ARHGEF11: variants seen among roughly 807,000 people sequenced by gnomAD.
The protein encoded by ARHGEF11 is Rho guanine nucleotide exchange factor 11.
ARHGEF11 carries 55 observed loss-of-function variants against 193.7 expected under a neutral mutation model. The observed-to-expected ratio is 0.28, with a 90% CI of 0.23 to 0.36. ARHGEF11 has a LOEUF of 0.36. Ranked by LOEUF, ARHGEF11 falls within the 10% of genes least tolerant of loss-of-function variation. The pLI is 1.00. For missense variants in ARHGEF11, 1,723 were observed against 2,005.6 expected (o/e 0.86, Z 2.69); for synonymous variants, 693 against 768.0 (o/e 0.90, Z 1.62).
Position 156,941,387 on chromosome 1 carries a change from C to G in ARHGEF11, c.3499G>C (p.Glu1167Gln). Residue 1167 changes from glutamate (E) to glutamine (Q), a missense_variant, in exon 35 of 41, where the codon GAG becomes CAG. Around this residue, in one of 5 missense-constraint regions of ARHGEF11, gnomAD observed 203 missense variants for 237.3 expected, o/e 0.86. Transcript: ENST00000368194. ...GGGCCCTTACCTCCAGGCAGCTCCT[C>G]AGGTTCAGGTTCACCATGGAACACG... is the stretch of plus-strand genomic sequence containing the variant. ...SDVFHGEPEPEELPGGTGSQQ... is the reference protein window; with the variant it reads ...SDVFHGEPEPQELPGGTGSQQ... 1 of 1,613,684 alleles carries G rather than the reference C, an allele frequency of 6.2e-7. No individual in the cohort carries two copies. Among genetic ancestry groups the G allele is most frequent in the Non-Finnish European group, 8.5e-7 (1 of 1,179,728 alleles).
intron 1 of ARHGEF11, among the ~76,000 whole-genome samples, chr1:157,038,447 C>T (rs866604): frequency 0.99 from 150,565 of 152,374 alleles, 74,418 homozygotes; most frequent in Middle Eastern, 1. Flanking sequence ...TTAAGGCCTA[C>T]GCTGAAATCA....
intron 35 of ARHGEF11, among the ~76,000 whole-genome samples, 184 bp downstream of exon 35, chr1:156,941,188 C>A (rs1326991075): frequency 1.3e-5 from 2 of 152,144 alleles, no homozygotes; most frequent in Non-Finnish European, 2.9e-5. Flanking sequence ...TTTCTTAAGT[C>A]TGTTCAGTCT....
intron 37 of ARHGEF11, chr1:156,939,074 C>G (rs115662111): frequency 1.2e-4 from 26 of 211,750 alleles, no homozygotes; most frequent in African/African-American, 6.1e-4. Flanking sequence ...CAGCTTTGTC[C>G]TCCACCCCTT....
intron 15 of ARHGEF11, among the ~76,000 whole-genome samples, chr1:156,959,968 T>A (rs2102142934): frequency 9.4e-6 from 1 of 106,910 alleles, no homozygotes; most frequent in South Asian, 3.3e-4. Context: ...GAAAAACCAC[T>A]CTGGAGATTC....
chr1:156,983,300 G>T (rs901711300), intron 3 of ARHGEF11, among the ~76,000 whole-genome samples: 5 of 152,026 alleles, frequency 3.3e-5, no homozygotes, highest in African/African-American at 1.2e-4. Context: ...TTGGCTCACC[G>T]CAAGCTCCGG....
chr1:156,938,495 T>C lies in ARHGEF11; in HGVS notation c.4115A>G (p.Lys1372Arg). The change falls in exon 38 of 41, where the codon AAG (lysine) becomes AGG (arginine). Residue 1372 changes from lysine (K) to arginine (R), a missense_variant. Physicochemically the swap from Lys to Arg is conservative, Grantham distance 26. Transcript: ENST00000368194. ...ACTCTCTGGTAGTGCAGGGACAACCTTGCTGCCTGCCACCTCAGCTGCACC... is the reference window on the plus strand; with the variant it reads ...ACTCTCTGGTAGTGCAGGGACAACCCTGCTGCCTGCCACCTCAGCTGCACC... ...VVRKAEVAGS[K>R]VVPALPESGQ... 1.2e-6 allele frequency: 2 copies of C among 1,613,100 alleles called. No homozygotes were observed. Among genetic ancestry groups the C allele is most frequent in the Non-Finnish European group, 1.7e-6 (2 of 1,179,558 alleles).
Position 157,044,883 on chromosome 1 carries a change from C to A in ARHGEF11, c.-553G>T. The A allele has an allele frequency of 1.1e-5, 2 of 180,514 alleles. No individual in the cohort carries two copies. Among genetic ancestry groups the A allele is most frequent in the Non-Finnish European group, 2.3e-5 (2 of 87,516 alleles). The allele number at this position is 180,514 out of a possible 1,614,324, so 11.2% of individuals were successfully genotyped here. ...GGAAAAAAAAAAGGATTAATAAATC[C>A]GAAATGGCACTTGGAAAAATTCTTT... On this transcript the variant is annotated 5_prime_UTR_variant, in exon 1 of 41. Coordinates refer to ENST00000368194, the MANE Select transcript of ARHGEF11 (RefSeq NM_198236.3).
intron 19 of ARHGEF11, 141 bp downstream of exon 19, chr1:156,956,279 A>G: frequency 1.2e-6 from 1 of 836,020 alleles, no homozygotes; most frequent in South Asian, 1.7e-5. Flanking sequence ...ACTATGCTGG[A>G]CTAATTTTTG....
intron 1 of ARHGEF11, among the ~76,000 whole-genome samples, chr1:157,015,461 C>G (rs972003331): frequency 6.6e-6 from 1 of 152,186 alleles, no homozygotes; most frequent in African/African-American, 2.4e-5. Flanking sequence ...CAAGCAACCC[C>G]ACTCTCCTCC....
intron 35 of ARHGEF11, among the ~76,000 whole-genome samples, 200 bp from the exon 36 acceptor site, chr1:156,940,625 G>A (rs1656632329): frequency 6.6e-6 from 1 of 152,282 alleles, no homozygotes; most frequent in East Asian, 1.9e-4. Flanking sequence ...TGCCTATGTT[G>A]AGCTTACATT....
chr1:156,941,792 G>C, intron 34 of ARHGEF11, 72 bp downstream of exon 34: 1 of 1,530,150 alleles, frequency 6.5e-7, no homozygotes, highest in African/African-American at 1.4e-5. Context: ...GGGGGCGAAG[G>C]GCTTAAAAGC....
intron 1 of ARHGEF11, among the ~76,000 whole-genome samples, chr1:157,041,502 C>T (rs540845589): frequency 6.6e-6 from 1 of 152,332 alleles, no homozygotes; most frequent in East Asian, 1.9e-4. Context: ...CTCTCAGCTA[C>T]AATCTCTTTC....
At chr1:157,039,485 C>T (rs779218226) in intron 1 of ARHGEF11, among the ~76,000 whole-genome samples, 1 of 152,192 alleles carries the variant, frequency 6.6e-6, no homozygotes, top group Non-Finnish European at 1.5e-5. Context: ...AAAGATCTAA[C>T]ATGACTTTTT....
intron 21 of ARHGEF11, among the ~76,000 whole-genome samples, chr1:156,954,576 G>A (rs1010022868): frequency 6.6e-6 from 1 of 152,204 alleles, no homozygotes; most frequent in Non-Finnish European, 1.5e-5. Context: ...GGAACCAGAA[G>A]TCTAGTCTTG....
chr1:156,961,542 A>T (rs553569687), intron 14 of ARHGEF11, 135 bp downstream of exon 14: 13 of 720,702 alleles, frequency 1.8e-5, no homozygotes, highest in Non-Finnish European at 3.1e-5. Context: ...AGAATCCAGG[A>T]ATATTAATCT....
At position 156,960,442 on chromosome 1, in the gene ARHGEF11, G is replaced by A. The variant is rs771664561; in HGVS notation, c.1258C>T (p.Pro420Ser). ...CCAATTTCAGCCTGTAGCATCTCAGGGATCTTCACTCTCAGAGGCTAAAAA... is the reference window on the plus strand; with the variant it reads ...CCAATTTCAGCCTGTAGCATCTCAGAGATCTTCACTCTCAGAGGCTAAAAA... ...EKNAPLRVKIPEMLQAEIDSR... is the reference protein window; with the variant it reads ...EKNAPLRVKISEMLQAEIDSR... Residue 420 changes from proline (P) to serine (S), a missense_variant, in exon 15 of 41, where the codon CCT becomes TCT. Pro to Ser is a moderately conservative substitution (Grantham distance 74, BLOSUM62 -1). Coordinates refer to ENST00000368194, the MANE Select transcript of ARHGEF11 (RefSeq NM_198236.3). 3.1e-6 allele frequency: 5 copies of A among 1,614,076 alleles called. No individual in the cohort carries two copies. The Admixed American group carries it at 8.3e-5, about 27-fold the overall frequency.
At chr1:156,942,981 T>TC (rs1407692045) in intron 32 of ARHGEF11, among the ~76,000 whole-genome samples, 2 of 152,018 alleles carry the variant, frequency 1.3e-5, no homozygotes, top group Non-Finnish European at 2.9e-5. Context: ...ACCCCTAATG[T>TC]CATCTTCCAC....
intron 1 of ARHGEF11, among the ~76,000 whole-genome samples, chr1:157,016,746 T>G (rs1444625220): frequency 3.3e-5 from 5 of 152,210 alleles, no homozygotes; most frequent in Non-Finnish European, 7.3e-5. Flanking sequence ...TGATAACTGT[T>G]GTTCCTTATC....
Position 156,936,820 on chromosome 1 carries a change from C to T in ARHGEF11, c.4626G>A (p.Glu1542=). Residue 1542 remains glutamate (E), a synonymous_variant, in exon 40 of 41, where the codon GAG becomes GAA. Transcript: ENST00000368194. ...RNSHELGPCP[E]DGSDAPLEDS... The stretch of plus-strand genomic sequence containing the variant: ...GAGGGACCTGGCTTCACTCACCATC[C>T]TCAGGGCAGGGCCCCAGTTCATGGC... The T allele has an allele frequency of 1.2e-6, 2 of 1,613,260 alleles. No individual in the cohort carries two copies. The highest frequency in any genetic ancestry group is 4.5e-5 in the East Asian group (2 of 44,840).
Sources: allele counts gnomAD v4.1 joint callset (sites outside exome capture counted in the v4.1 genomes callset), GRCh38; gene constraint gnomAD v4.1.1; regional missense constraint gnomAD v4.1.1; transcripts MANE v1.5; gene names NCBI Gene and HGNC (gene_info 2026-07-23, HGNC 2026-07-21).